Variants in AP2A2 observed in about 807,000 individuals in gnomAD.
The protein encoded by AP2A2 is adaptor related protein complex 2 subunit alpha 2, also known as AP-2 complex subunit alpha-2.
A neutral mutation model predicts 104.2 loss-of-function variants in AP2A2; 32 were observed. That is an observed-to-expected ratio of 0.31 (90% CI 0.23 to 0.41). AP2A2 has a LOEUF of 0.41. AP2A2 is among the 10% of genes least tolerant of loss of function. The pLI is 1.00. For missense variants in AP2A2, 912 were observed against 1,261.0 expected (o/e 0.72, Z 4.19); for synonymous variants, 539 against 533.3 (o/e 1.01, Z -0.15).
chr11:937,726 A>C (rs1439168197), intron 1 of AP2A2, among the ~76,000 whole-genome samples: 2 of 152,258 alleles, frequency 1.3e-5, no homozygotes, highest in African/African-American at 4.8e-5. Flanking sequence ...GAAAGTGGAA[A>C]ACAAGGTGAT....
At chr11:974,016 T>C (rs1259936423) in intron 4 of AP2A2, among the ~76,000 whole-genome samples, 2 of 152,188 alleles carry the variant, frequency 1.3e-5, no homozygotes, top group Non-Finnish European at 1.5e-5. Flanking sequence ...ACCGAGGACC[T>C]GCTGCAGGAG....
Position 1,009,355 on chromosome 11 carries a change from C to G in AP2A2, c.2565C>G (p.Phe855Leu). The change falls in exon 20 of 22, where the codon TTC becomes TTG. Residue 855 changes from phenylalanine (F) to leucine (L), a missense_variant. Transcript: ENST00000448903. The stretch of plus-strand genomic sequence containing the variant: ...CACAGCAGGAAGTGCAGAACATCTT[C>G]AAAGCAAAGCACCCAATGGACACAG... The part of the protein sequence containing the change: ...SNPQQEVQNI[F>L]KAKHPMDTEV... The G allele has an allele frequency of 6.2e-7, 1 of 1,613,724 alleles. No homozygotes were observed. The highest frequency in any genetic ancestry group is 1.1e-5 in the South Asian group (1 of 91,078).
intron 1 of AP2A2, chr11:942,398 T>C (rs1156897435): frequency 6.6e-6 from 1 of 152,244 alleles, no homozygotes; most frequent in Non-Finnish European, 1.5e-5. Context: ...CGGTGTGGTA[T>C]GTACTTTGCA....
chr11:934,905 C>G (rs1853402170), intron 1 of AP2A2, among the ~76,000 whole-genome samples: 1 of 151,632 alleles, frequency 6.6e-6, no homozygotes, highest in South Asian at 2.1e-4. Flanking sequence ...CTCACCCAGG[C>G]TGGAGTGCAG....
At chr11:1,000,138 G>A (rs1463720883) in intron 14 of AP2A2, among the ~76,000 whole-genome samples, 1 of 152,078 alleles carries the variant, frequency 6.6e-6, no homozygotes, top group Non-Finnish European at 1.5e-5. Context: ...AAATTTTTTT[G>A]AGAATTTTTT....
chr11:957,610 GTT>G (rs1205392621), intron 1 of AP2A2, among the ~76,000 whole-genome samples: 1 of 152,202 alleles, frequency 6.6e-6, no homozygotes, highest in African/African-American at 2.4e-5. Context: ...AGCTGTGAGA[GTT>G]TTGAGCCAGG....
At chr11:997,776 G>A (rs1202796680) in intron 14 of AP2A2, among the ~76,000 whole-genome samples, 1 of 152,168 alleles carries the variant, frequency 6.6e-6, no homozygotes, top group African/African-American at 2.4e-5. Context: ...GTGGTGGTGT[G>A]TGCCTGTAAT....
At chr11:1,002,211 C>T (rs1856050019) in intron 15 of AP2A2, among the ~76,000 whole-genome samples, 1 of 152,268 alleles carries the variant, frequency 6.6e-6, no homozygotes, top group South Asian at 2.1e-4. Context: ...GCTTAGTCCA[C>T]ACCCTGAGTG....
chr11:970,504 G>T (rs534989915), intron 3 of AP2A2, among the ~76,000 whole-genome samples, 193 bp downstream of exon 3: 1 of 152,242 alleles, frequency 6.6e-6, no homozygotes, highest in Non-Finnish European at 1.5e-5. Context: ...CCCCCTTCCC[G>T]CCCAAGCTGG....
rs758288236 is a variant in AP2A2 at position 925,990 on chromosome 11, C to G, written c.-32C>G. The G allele has an allele frequency of 7.2e-6, 10 of 1,388,382 alleles. No homozygotes were observed. In the African/African-American group the frequency reaches 1.5e-4, roughly 21 times the overall value. 86.0% of individuals were successfully genotyped at this position (1,388,382 alleles called of 1,614,324 possible). A position where few individuals can be genotyped will look rare whatever the true frequency, so the allele number is the denominator to read the frequency against. ...CTCCCCGCGCTCCTCCGCCCGGGTC[C>G]GCCAGCCGAGGCCGCTCCCGAGCGT... On this transcript the variant is annotated 5_prime_UTR_variant, in exon 1 of 22. Transcript: ENST00000448903.
intron 16 of AP2A2, 63 bp from the exon 17 acceptor site, chr11:1,006,465 G>A: frequency 8.6e-7 from 1 of 1,158,144 alleles, no homozygotes. Context: ...TTGTTTTTCA[G>A]GGTAAATATT....
At chr11:982,951 G>C (rs1300665952) in intron 6 of AP2A2, among the ~76,000 whole-genome samples, 5 of 150,666 alleles carry the variant, frequency 3.3e-5, no homozygotes, top group African/African-American at 1.2e-4. Context: ...GCGCCTGGCT[G>C]TGAAACTTTC....
At chr11:926,155 G>T in intron 1 of AP2A2, 67 bp downstream of exon 1, 1 of 1,120,918 alleles carries the variant, frequency 8.9e-7, no homozygotes, top group South Asian at 3.9e-5. Context: ...TGGGAGCGGA[G>T]GCCCGGGGCG....
At chr11:954,692 G>A (rs1854176530) in intron 1 of AP2A2, among the ~76,000 whole-genome samples, 1 of 151,346 alleles carries the variant, frequency 6.6e-6, no homozygotes, top group African/African-American at 2.4e-5. Context: ...GTATTCATGT[G>A]TGTTTGTAAA....
intron 2 of AP2A2, among the ~76,000 whole-genome samples, chr11:969,247 T>A (rs1854735349): frequency 7.5e-6 from 1 of 134,166 alleles, no homozygotes; most frequent in Admixed American, 8.0e-5. Context: ...TTTTTTTTTT[T>A]GAGATGGAGT....
At chr11:975,252 G>A (rs1391190768) in intron 4 of AP2A2, among the ~76,000 whole-genome samples, 2 of 152,046 alleles carry the variant, frequency 1.3e-5, no homozygotes, top group Middle Eastern at 3.2e-3. Flanking sequence ...CGACATTAGC[G>A]AGTAGCTGTA....
intron 8 of AP2A2, 57 bp downstream of exon 8, chr11:985,639 C>T (rs761146869): frequency 1.1e-5 from 17 of 1,606,704 alleles, no homozygotes; most frequent in East Asian, 4.5e-5. Context: ...CGTTCCTTCT[C>T]GTTGGCACGA....
intron 1 of AP2A2, chr11:940,795 G>A (rs1853620541): frequency 2.2e-6 from 1 of 456,260 alleles, no homozygotes; most frequent in African/African-American, 2.0e-5. Flanking sequence ...CCAACCTGAA[G>A]GGCTTTGGCA....
chr11:928,442 AT>A (rs1209428099), intron 1 of AP2A2, among the ~76,000 whole-genome samples: 2 of 152,218 alleles, frequency 1.3e-5, no homozygotes, highest in Non-Finnish European at 2.9e-5. Context: ...CTTGGAACGT[AT>A]ACCTGTGGAT....
Sources: allele counts gnomAD v4.1 joint callset (sites outside exome capture counted in the v4.1 genomes callset), GRCh38; gene constraint gnomAD v4.1.1; transcripts MANE v1.5; gene names NCBI Gene and HGNC (gene_info 2026-07-23, HGNC 2026-07-21).